COL22A1: variants seen among roughly 807,000 people sequenced by gnomAD.
The protein encoded by COL22A1 is collagen type XXII alpha 1 chain.
COL22A1 carries 221 observed loss-of-function variants against 248.9 expected under a neutral mutation model. The observed-to-expected ratio is 0.89, with a 90% CI of 0.80 to 0.99. The LOEUF (loss-of-function observed/expected upper bound fraction) is 0.99, where lower values mean the gene tolerates loss of function less well. Ranked by LOEUF, COL22A1 falls within the 50% of genes least tolerant of loss-of-function variation. The probability of loss-of-function intolerance (pLI) is 0.00; values close to 1 mark genes in which losing one functional copy is unlikely to be tolerated. For missense variants in COL22A1, 2,240 were observed against 2,179.0 expected, an observed-to-expected ratio of 1.03 and a Z score of -0.56; for synonymous variants, 891 against 793.4, an observed-to-expected ratio of 1.12 and a Z score of -2.07.
chr8:138,789,632 T>C (rs1053601288), intron 12 of COL22A1, among the ~76,000 whole-genome samples: 1 of 152,240 alleles, frequency 6.6e-6, no homozygotes, highest in Non-Finnish European at 1.5e-5. Flanking sequence ...TGAGGGTCAA[T>C]AATTCCCAGA....
chr8:138,814,897 C>T (rs1051733770), intron 7 of COL22A1, among the ~76,000 whole-genome samples: 1 of 152,142 alleles, frequency 6.6e-6, no homozygotes, highest in Non-Finnish European at 1.5e-5. Flanking sequence ...GTGCATCTTG[C>T]ATGATATGGT....
chr8:138,600,325 G>C (rs944639433), intron 60 of COL22A1, among the ~76,000 whole-genome samples: 1 of 152,332 alleles, frequency 6.6e-6, no homozygotes, highest in East Asian at 1.9e-4. Flanking sequence ...AGAGACACCA[G>C]ATGGTAATCG....
intron 11 of COL22A1, among the ~76,000 whole-genome samples, chr8:138,801,344 G>A (rs2131623803): frequency 6.6e-6 from 1 of 152,244 alleles, no homozygotes; most frequent in Admixed American, 6.5e-5. Context: ...TGGAGCAAAG[G>A]TTAGACTCCA....
At chr8:138,684,512 T>C (rs1269659298) in intron 38 of COL22A1, 43 bp from the exon 39 acceptor site, 1 of 1,448,276 alleles carries the variant, frequency 6.9e-7, no homozygotes, top group South Asian at 1.1e-5. Context: ...GAGCTGAGAG[T>C]GAACACTGAC....
At chr8:138,912,096 T>C (rs980072490) in intron 1 of COL22A1, among the ~76,000 whole-genome samples, 2 of 152,136 alleles carry the variant, frequency 1.3e-5, no homozygotes, top group South Asian at 4.1e-4. Flanking sequence ...GCCTCTTGTG[T>C]TATCTATCTC....
intron 25 of COL22A1, among the ~76,000 whole-genome samples, chr8:138,722,686 G>A (rs925363017): frequency 6.6e-6 from 1 of 152,160 alleles, no homozygotes; most frequent in Non-Finnish European, 1.5e-5. Context: ...CAGGTGAGGA[G>A]ACGAAGGCTC....
At chr8:138,855,776 G>A (rs1388541939) in intron 3 of COL22A1, among the ~76,000 whole-genome samples, 1 of 152,174 alleles carries the variant, frequency 6.6e-6, no homozygotes, top group Non-Finnish European at 1.5e-5. Flanking sequence ...TCCTTTTCTG[G>A]AGGAGCCTCC....
intron 49 of COL22A1, among the ~76,000 whole-genome samples, chr8:138,632,991 G>T (rs1279604095): frequency 6.6e-6 from 1 of 152,148 alleles, no homozygotes; most frequent in Non-Finnish European, 1.5e-5. Flanking sequence ...TAAGGATGCT[G>T]ACTGAGCACC....
At position 138,588,907 on chromosome 8, in the gene COL22A1, C is replaced by T. The variant is rs73442789; in HGVS notation, c.*346G>A. 0.11 allele frequency: 19,654 copies of T among 175,600 alleles called. 3,261 individuals are homozygous for T. Among genetic ancestry groups the T allele is most frequent in the African/African-American group, 0.38 (16,140 of 42,250 alleles). The allele number at this position is 175,600 out of a possible 1,614,324, so 10.9% of individuals were successfully genotyped here. On this transcript the variant is annotated 3_prime_UTR_variant, in exon 65 of 65. Transcript: ENST00000303045. The stretch of plus-strand genomic sequence containing the variant: ...AGTTTCCTTAAAATGGGCAGTTACG[C>T]GTCAGATGGGGGCTGTCAGAAGAAT...
At chr8:138,845,237 C>T (rs1008144084) in intron 3 of COL22A1, among the ~76,000 whole-genome samples, 1 of 151,236 alleles carries the variant, frequency 6.6e-6, no homozygotes, top group Non-Finnish European at 1.5e-5. Context: ...GGAAGAAGGG[C>T]AGGTGTGGTG....
At chr8:138,912,249 A>G (rs2132218544) in intron 1 of COL22A1, among the ~76,000 whole-genome samples, 1 of 152,356 alleles carries the variant, frequency 6.6e-6, no homozygotes, top group East Asian at 1.9e-4. Flanking sequence ...TTCAACTGCA[A>G]CTTGCATGCA....
intron 47 of COL22A1, among the ~76,000 whole-genome samples, chr8:138,638,001 G>A (rs1821339428): frequency 6.6e-6 from 1 of 150,986 alleles, no homozygotes; most frequent in South Asian, 2.1e-4. Context: ...ACATCATAAT[G>A]ATCAACAACA....
chr8:138,741,840 G>T (rs955796096), intron 22 of COL22A1, among the ~76,000 whole-genome samples: 1 of 152,200 alleles, frequency 6.6e-6, no homozygotes, highest in African/African-American at 2.4e-5. Context: ...TGATAATAAT[G>T]GTGGTGGTGG....
chr8:138,889,563 T>TC (rs1824903012), intron 1 of COL22A1, among the ~76,000 whole-genome samples: 1 of 151,326 alleles, frequency 6.6e-6, no homozygotes, highest in East Asian at 1.9e-4. Context: ...AGGACTGTTG[T>TC]GGGGTGGGGG....
chr8:138,696,829 C>T (rs912972971), intron 32 of COL22A1, among the ~76,000 whole-genome samples: 1 of 152,236 alleles, frequency 6.6e-6, no homozygotes, highest in African/African-American at 2.4e-5. Flanking sequence ...GGAGACATGT[C>T]TAGCCCCATT....
At chr8:138,652,996 T>C (rs1042829973) in intron 45 of COL22A1, among the ~76,000 whole-genome samples, 5 of 151,988 alleles carry the variant, frequency 3.3e-5, no homozygotes, top group Non-Finnish European at 1.5e-5. Flanking sequence ...ATCCACCTGC[T>C]TCGGCCTCCC....
intron 60 of COL22A1, among the ~76,000 whole-genome samples, chr8:138,599,150 G>A (rs1430833948): frequency 6.6e-6 from 1 of 152,026 alleles, no homozygotes; most frequent in Admixed American, 6.5e-5. Flanking sequence ...AGACCATCCT[G>A]GCTAATACGG....
chr8:138,772,396 G>A (rs575885215), intron 16 of COL22A1, among the ~76,000 whole-genome samples: 1 of 152,256 alleles, frequency 6.6e-6, no homozygotes, highest in Non-Finnish European at 1.5e-5. Context: ...TCACGGTGAA[G>A]AGGACAGGGG....
rs919749704 is a variant in COL22A1, at chr8:138,611,366, T to A, written c.3978+2501A>T. The stretch of plus-strand genomic sequence containing the variant: ...GCAGTGCAGCAACTCACCTAGTTCA[T>A]GTGATGAATACAGGAGAGGAGGAAA... On this transcript the variant is annotated intron_variant, in intron 56 of 64. Transcript: ENST00000303045. Among the ~76,000 whole-genome samples the A allele has an allele frequency of 2.0e-5, 3 of 152,146 alleles. No homozygotes were observed. The South Asian group carries it at 6.2e-4, about 32-fold the overall frequency.
Sources: gnomAD v4.1 joint callset for allele counts (sites outside exome capture counted in the v4.1 genomes callset) on GRCh38, gnomAD v4.1.1 for gene constraint, MANE v1.5 for transcripts, NCBI Gene and HGNC (gene_info 2026-07-23, HGNC 2026-07-21) for gene names.